The following ZNF28 variants were observed in gnomAD, a reference collection of about 807,000 sequenced individuals.
The protein encoded by ZNF28 is zinc finger protein KOX24.
In ZNF28, 5 loss-of-function variants were observed where a neutral mutation model predicts 7.2. The observed-to-expected ratio is 0.70, with a 90% CI of 0.36 to 1.46. The LOEUF is 1.46. Among genes scored for constraint, ZNF28 ranks in the 40% most tolerant of loss-of-function variants. ZNF28 has a pLI of 0.03. For synonymous variants in ZNF28, 288 were observed against 292.4 expected (o/e 0.99, Z 0.15); for missense variants, 879 against 866.6 (o/e 1.01, Z -0.18).
At chr19:52,813,132 A>G (rs939691316) in intron 2 of ZNF28, among the ~76,000 whole-genome samples, 3 of 151,632 alleles carry the variant, frequency 2.0e-5, no homozygotes, top group African/African-American at 7.3e-5. Context: ...ATACTTTTGC[A>G]TGTATTTAAA....
chr19:52,805,670 A>ATAAATAAATAAATAAATAAT (rs55944452), intron 3 of ZNF28: 1 of 151,384 alleles, frequency 6.6e-6, no homozygotes, highest in Non-Finnish European at 1.5e-5. Context: ...AAATAAATAA[A>ATAAATAAATAAATAAATAAT]GTTCTCCAGT....
At chr19:52,809,877 C>T in intron 2 of ZNF28, 1 of 722,240 alleles carries the variant, frequency 1.4e-6, no homozygotes. Context: ...TGCGGGCGGT[C>T]CGGGATCCAG....
chr19:52,803,814 C>G (rs1772432013), intron 3 of ZNF28, among the ~76,000 whole-genome samples: 1 of 151,882 alleles, frequency 6.6e-6, no homozygotes, highest in Non-Finnish European at 1.5e-5. Flanking sequence ...AAAAAATTAG[C>G]TGGGTGTGGT....
At chr19:52,807,947 G>C (rs2147638735) in intron 3 of ZNF28, 60 bp downstream of exon 3, 3 of 1,608,516 alleles carry the variant, frequency 1.9e-6, no homozygotes, top group Admixed American at 3.4e-5. Context: ...TGGCTCCCAA[G>C]AGGCAACAAG....
In ZNF28 at chr19:52,799,438, A is replaced by G. The variant is rs1332547261; in HGVS notation, c.*250T>C. ...ACTTTGTCACATTCTTCCTATTTGT[A>G]AAGTTTCTCTGCAGTATGAATTCTA... On this transcript the variant is annotated 3_prime_UTR_variant, in exon 4 of 4. Transcript: ENST00000457749. 1.3e-5 allele frequency: 10 copies of G among 760,494 alleles called. No homozygotes were observed. Among genetic ancestry groups the G allele is most frequent in the Non-Finnish European group, 1.5e-5 (7 of 456,554 alleles). The allele number at this position is 760,494 out of a possible 1,614,324, so 47.1% of individuals were successfully genotyped here.
chr19:52,809,970 G>A (rs1306717837), intron 2 of ZNF28: 6 of 789,982 alleles, frequency 7.6e-6, no homozygotes, highest in East Asian at 5.3e-5. Context: ...CGATGGGAAC[G>A]GCCTGGAGTC....
rs141562216 is a variant in ZNF28 at position 52,799,072 on chromosome 19, T to C, written c.*616A>G. The C allele has an allele frequency of 1.3e-3, 609 of 459,352 alleles. 3 individuals are homozygous for C. Among genetic ancestry groups the C allele is most frequent in the African/African-American group, 0.011 (552 of 49,340 alleles). The allele number at this position is 459,352 out of a possible 1,614,324, so 28.5% of individuals were successfully genotyped here. A position where few individuals can be genotyped will look rare whatever the true frequency, so the allele number is the denominator to read the frequency against. ...TGTCTTTCAAGCTGTGATTTGTGAC[T>C]GACAACTTTGTCACAGTCTTCACAT... On this transcript the variant is annotated 3_prime_UTR_variant, in exon 4 of 4. Transcript: ENST00000457749.
intron 2 of ZNF28, among the ~76,000 whole-genome samples, chr19:52,817,383 A>T (rs1303196761): frequency 6.6e-6 from 1 of 152,190 alleles, no homozygotes; most frequent in African/African-American, 2.4e-5. Flanking sequence ...AAAAAAAATA[A>T]TAATAATGAA....
intron 2 of ZNF28, among the ~76,000 whole-genome samples, chr19:52,811,033 GC>G (rs1446315260): frequency 2.8e-5 from 4 of 140,906 alleles, no homozygotes; most frequent in Non-Finnish European, 6.2e-5. Flanking sequence ...GCGATTGCAG[GC>G]ACGCGCCGCC....
At chr19:52,809,949 G>A in intron 2 of ZNF28, 2 of 838,186 alleles carry the variant, frequency 2.4e-6, no homozygotes, top group Non-Finnish European at 4.0e-6. Flanking sequence ...TGCCCCGGGG[G>A]GCGCAGGGGA....
chr19:52,815,878 A>G lies in ZNF28; in HGVS notation c.15+2066T>C, dbSNP rs1041661491. 6.8e-5 allele frequency among the ~76,000 whole-genome samples: 10 copies of G among 147,304 alleles called. 1 individual carries two copies. The highest frequency in any genetic ancestry group is 2.6e-4 in the African/African-American group (10 of 38,206). On this transcript the variant is annotated intron_variant, in intron 2 of 3. Transcript: ENST00000457749. ...GCCTTGACAACGGTGTGATGAAATAATTGGTACAACAAACTCCAATGACGT... is the reference window on the plus strand; with the variant it reads ...GCCTTGACAACGGTGTGATGAAATAGTTGGTACAACAAACTCCAATGACGT...
Position 52,799,247 on chromosome 19 carries a change from G to C in ZNF28, c.*441C>G. Reference sequence around the variant, plus strand: ...CAAGGTATGAATTTTGACCAAAGGTGTTGCCACACTCATCACATTTGTAAG... The same window carrying C: ...CAAGGTATGAATTTTGACCAAAGGTCTTGCCACACTCATCACATTTGTAAG... On this transcript the variant is annotated 3_prime_UTR_variant, in exon 4 of 4. Transcript: ENST00000457749. 3.3e-5 allele frequency: 13 copies of C among 398,670 alleles called. No homozygotes were observed. Among genetic ancestry groups the C allele is most frequent in the Non-Finnish European group, 4.4e-5 (9 of 206,350 alleles). 24.7% of individuals were successfully genotyped at this position (398,670 alleles called of 1,614,324 possible).
At chr19:52,810,576 G>C (rs1186014765) in intron 2 of ZNF28, 5 of 1,591,320 alleles carry the variant, frequency 3.1e-6, no homozygotes, top group Non-Finnish European at 4.3e-6. Context: ...GGTCTTCCAC[G>C]AGCCCGCTAC....
At chr19:52,805,643 A>AAATAAATAAATAAATAAATAAAT (rs1827126112) in intron 3 of ZNF28, 1 of 140,302 alleles carries the variant, frequency 7.1e-6, no homozygotes, top group Non-Finnish European at 1.5e-5. Context: ...AATAATAATA[A>AAATAAATAAATAAATAAATAAAT]AAATAAATAA....
At chr19:52,820,964 A>G (rs12985019) in intron 1 of ZNF28, among the ~76,000 whole-genome samples, 17,297 of 147,410 alleles carry the variant, frequency 0.12, 1,535 homozygotes, top group African/African-American at 0.24. Flanking sequence ...GGAGTAAGAC[A>G]CCTGCATCTC....
At chr19:52,812,143 G>A (rs1327935554) in intron 2 of ZNF28, among the ~76,000 whole-genome samples, 4 of 123,846 alleles carry the variant, frequency 3.2e-5, no homozygotes, top group Non-Finnish European at 1.6e-5. Context: ...GAGGGTGGTG[G>A]GGGGGTCAGC....
At chr19:52,801,780 A>G in intron 3 of ZNF28, 78 bp from the exon 4 acceptor site, 3 of 1,325,100 alleles carry the variant, frequency 2.3e-6, no homozygotes, top group East Asian at 2.3e-5. Flanking sequence ...ATATGACACA[A>G]AAAACAATAC....
rs777676755 is a variant in ZNF28, at chr19:52,801,596, T to C, written c.249A>G (p.Gly83=). 1 of 1,614,176 alleles carries C rather than the reference T, an allele frequency of 6.2e-7. No individual in the cohort carries two copies. The change falls in exon 4 of 4, where the codon GGA becomes GGG. Residue 83 remains glycine (G), a synonymous_variant. Transcript: ENST00000457749. ...TCTCAATTTTCTGGAAGCAAAAATC[T>C]CCAATGTGATGACTTGCTTGTCTTT... ...TLQRQASHHI[G]DFCFQKIEKD...
chr19:52,803,544 T>C (rs1463433352), intron 3 of ZNF28, among the ~76,000 whole-genome samples: 1 of 152,134 alleles, frequency 6.6e-6, no homozygotes, highest in Non-Finnish European at 1.5e-5. Context: ...TTCTAAACAA[T>C]TCCCTCTTAA....
Sources: allele counts gnomAD v4.1 joint callset (sites outside exome capture counted in the v4.1 genomes callset), GRCh38; gene constraint gnomAD v4.1.1; transcripts MANE v1.5; gene names NCBI Gene and HGNC (gene_info 2026-07-23, HGNC 2026-07-21).